The following MAP2K1 variants were observed in gnomAD, a reference collection of about 807,000 sequenced individuals.
MAP2K1 encodes the protein dual specificity mitogen-activated protein kinase kinase 1.
MAP2K1 carries 16 observed loss-of-function variants against 46.3 expected under a neutral mutation model. The observed-to-expected ratio is 0.35, with a 90% CI of 0.23 to 0.52. MAP2K1 has a LOEUF of 0.52. Ranked by LOEUF, MAP2K1 falls within the 20% of genes least tolerant of loss-of-function variation. The pLI, the probability that MAP2K1 is intolerant of heterozygous loss-of-function variation, is 0.94. For missense variants in MAP2K1, 263 were observed against 497.1 expected, an observed-to-expected ratio of 0.53 and a Z score of 4.48; for synonymous variants, 183 against 185.6, an observed-to-expected ratio of 0.99 and a Z score of 0.11.
chr15:66,419,230 A>AGGGG (rs2093431835), intron 1 of MAP2K1, among the ~76,000 whole-genome samples: 1 of 151,746 alleles, frequency 6.6e-6, no homozygotes, highest in Non-Finnish European at 1.5e-5. Flanking sequence ...ATCCTTTAAA[A>AGGGG]ATTATCTGGC....
intron 1 of MAP2K1, among the ~76,000 whole-genome samples, chr15:66,392,897 A>T (rs73469984): frequency 1.3e-5 from 2 of 152,008 alleles, no homozygotes; most frequent in Non-Finnish European, 2.9e-5. Flanking sequence ...TCTATTCATG[A>T]TGCTATACAA....
chr15:66,488,968 T>G (rs1480519985), intron 8 of MAP2K1: 1 of 585,044 alleles, frequency 1.7e-6, no homozygotes, highest in African/African-American at 1.9e-5. Context: ...GACAAGTGAG[T>G]GGACTTGACT....
intron 1 of MAP2K1, among the ~76,000 whole-genome samples, chr15:66,392,279 T>TTTTTA (rs1555412519): frequency 2.2e-5 from 3 of 133,458 alleles, no homozygotes; most frequent in Admixed American, 7.9e-5. Context: ...TTTTTTTTTT[T>TTTTTA]AAGAAAGGGT....
rs747851513 is a variant in MAP2K1 at position 66,487,215 on chromosome 15, A to G, written c.896-13A>G. On this transcript the variant is annotated splice_polypyrimidine_tract_variant and intron_variant, in intron 7 of 10. Coordinates refer to ENST00000307102, the MANE Select transcript of MAP2K1 (RefSeq NM_002755.4). ...TTTCTGAGAAGTATTTTTTCTTTTT[A>G]TAAAATTTGTAGCATACGGAATGGA... The G allele has an allele frequency of 6.2e-7, 1 of 1,612,628 alleles. No individual in the cohort carries two copies. Among genetic ancestry groups the G allele is most frequent in the African/African-American group, 1.3e-5 (1 of 74,880 alleles).
chr15:66,436,686 C>A (rs2140582808), intron 2 of MAP2K1, 60 bp from the exon 3 acceptor site: 1 of 1,505,026 alleles, frequency 6.6e-7, no homozygotes, highest in Non-Finnish European at 9.2e-7. Context: ...AAGACTATAT[C>A]TTTCATCCCT....
intron 5 of MAP2K1, among the ~76,000 whole-genome samples, chr15:66,472,386 T>A (rs1307981383): frequency 1.3e-5 from 2 of 152,228 alleles, no homozygotes; most frequent in African/African-American, 2.4e-5. Context: ...GGGCCAGCTG[T>A]CTACCAGATG....
chr15:66,402,435 A>G (rs1043413825), intron 1 of MAP2K1, among the ~76,000 whole-genome samples: 3 of 152,118 alleles, frequency 2.0e-5, no homozygotes, highest in Admixed American at 2.0e-4. Flanking sequence ...GGTCTTTATG[A>G]TATTTTTATC....
chr15:66,457,028 T>G (rs1892181749), intron 5 of MAP2K1, among the ~76,000 whole-genome samples: 1 of 152,266 alleles, frequency 6.6e-6, no homozygotes, highest in African/African-American at 2.4e-5. Context: ...ATGGGCTAAA[T>G]TTGGCCTGCT....
At chr15:66,391,622 C>G (rs894721492) in intron 1 of MAP2K1, among the ~76,000 whole-genome samples, 3 of 152,186 alleles carry the variant, frequency 2.0e-5, no homozygotes, top group African/African-American at 7.2e-5. Context: ...CAAAATAGTT[C>G]TGGCACATAA....
intron 10 of MAP2K1, 42 bp from the exon 11 acceptor site, chr15:66,490,458 TTG>T: frequency 7.0e-7 from 1 of 1,427,396 alleles, no homozygotes; most frequent in Non-Finnish European, 9.9e-7. Context: ...TTTTGTTTTT[TTG>T]TTTCTTTTTA....
chr15:66,418,310 G>C (rs537331938), intron 1 of MAP2K1, among the ~76,000 whole-genome samples: 22 of 152,268 alleles, frequency 1.4e-4, no homozygotes, highest in African/African-American at 4.3e-4. Flanking sequence ...TCCTGCCTCA[G>C]TTCTGAGTTA....
chr15:66,426,142 CTT>C (rs57873985), intron 1 of MAP2K1, among the ~76,000 whole-genome samples: 19,816 of 145,256 alleles, frequency 0.14, 1,351 homozygotes, highest in Non-Finnish European at 0.15. Flanking sequence ...AGTGTTTTTT[CTT>C]TTTTTTTTTT....
chr15:66,487,304 C>T lies in MAP2K1; in HGVS notation c.960+12C>T, dbSNP rs765707058. 3.1e-6 allele frequency: 5 copies of T among 1,613,556 alleles called. No individual in the cohort carries two copies. The East Asian group carries it at 8.9e-5, about 29-fold the overall frequency. ...ACATAGTCAACGAGGTAAGTACTGC[C>T]TGGTTTCCTTCACCTTGGAATTTAC... On this transcript the variant is annotated intron_variant, in intron 8 of 10. Coordinates refer to ENST00000307102, the MANE Select transcript of MAP2K1 (RefSeq NM_002755.4).
At chr15:66,455,191 C>T (rs969144338) in intron 5 of MAP2K1, among the ~76,000 whole-genome samples, 1 of 152,210 alleles carries the variant, frequency 6.6e-6, no homozygotes, top group Non-Finnish European at 1.5e-5. Context: ...ACAGCATCCT[C>T]TCCTGCTCAG....
chr15:66,488,054 C>G (rs1369011805), intron 8 of MAP2K1, among the ~76,000 whole-genome samples: 2 of 152,058 alleles, frequency 1.3e-5, no homozygotes, highest in Non-Finnish European at 2.9e-5. Context: ...AGTGCTCTTT[C>G]TTCCTTGCCA....
intron 1 of MAP2K1, among the ~76,000 whole-genome samples, chr15:66,395,573 A>ATT (rs58172562): frequency 1.0e-5 from 1 of 98,574 alleles, no homozygotes; most frequent in African/African-American, 3.5e-5. Context: ...TTCTTGCATG[A>ATT]TTTTTTTTTT....
rs552524050 is a variant in MAP2K1, at chr15:66,462,360, C to T, written c.568+17653C>T. 5.3e-5 allele frequency among the ~76,000 whole-genome samples: 8 copies of T among 151,884 alleles called. No homozygotes were observed. In the East Asian group the frequency reaches 1.5e-3, roughly 29 times the overall value. Reference sequence around the variant, plus strand: ...ACTAAAAATACAAAAATTAGCTGGGCGTAGTGGCACATGCCTGTAGTCCTA... The same window carrying T: ...ACTAAAAATACAAAAATTAGCTGGGTGTAGTGGCACATGCCTGTAGTCCTA... On this transcript the variant is annotated intron_variant, in intron 5 of 10. Transcript: ENST00000307102.
At chr15:66,488,008 C>T (rs1893102573) in intron 8 of MAP2K1, among the ~76,000 whole-genome samples, 1 of 152,172 alleles carries the variant, frequency 6.6e-6, no homozygotes, top group African/African-American at 2.4e-5. Context: ...GAAATTGAGC[C>T]TCCGAGATGA....
chr15:66,473,529 AAG>A (rs1491017661), intron 5 of MAP2K1, among the ~76,000 whole-genome samples: 1 of 152,306 alleles, frequency 6.6e-6, no homozygotes, highest in East Asian at 1.9e-4. Context: ...AGCCAAAAAA[AAG>A]AGTGCTGTCA....
Sources: allele counts gnomAD v4.1 joint callset (sites outside exome capture counted in the v4.1 genomes callset), GRCh38; gene constraint gnomAD v4.1.1; transcripts MANE v1.5; gene names NCBI Gene and HGNC (gene_info 2026-07-23, HGNC 2026-07-21).